The following ATG10 variants were observed in gnomAD, a reference collection of about 807,000 sequenced individuals.
The protein encoded by ATG10 is ubiquitin-like-conjugating enzyme ATG10.
ATG10 carries 30 observed loss-of-function variants against 32.1 expected under a neutral mutation model. The observed-to-expected ratio is 0.94, with a 90% CI of 0.70 to 1.27. The LOEUF (loss-of-function observed/expected upper bound fraction) is 1.27, where lower values mean the gene tolerates loss of function less well. Among genes scored for constraint, ATG10 ranks in the 50% most tolerant of loss-of-function variants. The probability of loss-of-function intolerance (pLI) is 0.00; values close to 1 mark genes in which losing one functional copy is unlikely to be tolerated. For synonymous variants in ATG10, 87 were observed against 91.5 expected (o/e 0.95, Z 0.28); for missense variants, 233 against 262.3 (o/e 0.89, Z 0.77).
At chr5:82,236,990 T>A (rs1746579497) in intron 5 of ATG10, among the ~76,000 whole-genome samples, 1 of 152,196 alleles carries the variant, frequency 6.6e-6, no homozygotes, top group Admixed American at 6.5e-5. Flanking sequence ...GTATTTCTTC[T>A]TTCCCCCCTT....
intron 3 of ATG10, among the ~76,000 whole-genome samples, chr5:82,145,526 C>T (rs951823273): frequency 3.3e-5 from 5 of 151,822 alleles, no homozygotes; most frequent in Admixed American, 1.3e-4. Flanking sequence ...AGTTATATTA[C>T]TTCATTAGTC....
At chr5:82,233,023 G>A (rs1746428049) in intron 5 of ATG10, among the ~76,000 whole-genome samples, 1 of 152,064 alleles carries the variant, frequency 6.6e-6, no homozygotes, top group Non-Finnish European at 1.5e-5. Flanking sequence ...TGCCTGAAAT[G>A]TTCTTCTTCA....
intron 2 of ATG10, among the ~76,000 whole-genome samples, chr5:82,009,133 T>C (rs891175403): frequency 2.6e-5 from 4 of 152,178 alleles, no homozygotes; most frequent in Middle Eastern, 3.2e-3. Flanking sequence ...CCAAATTGTT[T>C]AAAGGGTGTA....
At chr5:82,082,066 A>T (rs1480924639) in intron 3 of ATG10, among the ~76,000 whole-genome samples, 1 of 152,096 alleles carries the variant, frequency 6.6e-6, no homozygotes, top group Non-Finnish European at 1.5e-5. Context: ...TGCAGGAAAG[A>T]CCTGCCTCCA....
intron 2 of ATG10, among the ~76,000 whole-genome samples, chr5:81,990,741 G>C (rs994299959): frequency 1.3e-5 from 2 of 152,154 alleles, no homozygotes; most frequent in African/African-American, 4.8e-5. Context: ...AATGGGTCAG[G>C]CTTCCAGGGA....
intron 5 of ATG10, among the ~76,000 whole-genome samples, chr5:82,248,861 CT>C (rs1747135259): frequency 6.6e-6 from 1 of 151,426 alleles, no homozygotes; most frequent in Non-Finnish European, 1.5e-5. Flanking sequence ...TAAATTTAAA[CT>C]TTTAATTTTT....
chr5:82,138,531 C>G (rs1766867508), intron 3 of ATG10, among the ~76,000 whole-genome samples: 1 of 152,064 alleles, frequency 6.6e-6, no homozygotes, highest in African/African-American at 2.4e-5. Context: ...CTTACCCTGC[C>G]TTGCCCTGTG....
At chr5:82,064,538 A>G (rs1763881038) in intron 3 of ATG10, among the ~76,000 whole-genome samples, 1 of 152,062 alleles carries the variant, frequency 6.6e-6, no homozygotes, top group African/African-American at 2.4e-5. Context: ...TTTATCAATG[A>G]CTTTAACAGG....
chr5:82,082,973 C>T (rs11747552), intron 3 of ATG10, among the ~76,000 whole-genome samples: 9,575 of 152,212 alleles, frequency 0.063, 384 homozygotes, highest in Non-Finnish European at 0.091. Flanking sequence ...ACTGAGGTAC[C>T]GGGTTCATCT....
intron 5 of ATG10, among the ~76,000 whole-genome samples, chr5:82,227,299 G>A (rs1746169986): frequency 6.6e-6 from 1 of 151,998 alleles, no homozygotes; most frequent in African/African-American, 2.4e-5. Context: ...ACTGAAAAAG[G>A]AGAAATTTGA....
At chr5:82,120,972 T>C (rs1433949303) in intron 3 of ATG10, among the ~76,000 whole-genome samples, 1 of 152,214 alleles carries the variant, frequency 6.6e-6, no homozygotes, top group Non-Finnish European at 1.5e-5. Context: ...ACTTTGCTTA[T>C]AAATATTATC....
intron 2 of ATG10, among the ~76,000 whole-genome samples, chr5:81,994,330 G>A (rs1320881292): frequency 6.6e-6 from 1 of 152,070 alleles, no homozygotes; most frequent in Non-Finnish European, 1.5e-5. Flanking sequence ...GCTGTCTCCA[G>A]AGTCCTAAAA....
At chr5:82,010,791 T>C (rs997914864) in intron 2 of ATG10, among the ~76,000 whole-genome samples, 1 of 152,202 alleles carries the variant, frequency 6.6e-6, no homozygotes, top group Non-Finnish European at 1.5e-5. Flanking sequence ...TTCATTTTGG[T>C]CATATTGTAT....
At chr5:82,192,022 G>T (rs1325421960) in intron 5 of ATG10, among the ~76,000 whole-genome samples, 1 of 152,228 alleles carries the variant, frequency 6.6e-6, no homozygotes, top group Admixed American at 6.5e-5. Flanking sequence ...AGATGCATTT[G>T]TGCAGGATTT....
intron 5 of ATG10, among the ~76,000 whole-genome samples, chr5:82,251,429 C>T (rs1747248469): frequency 6.6e-6 from 1 of 152,172 alleles, no homozygotes; most frequent in Middle Eastern, 3.2e-3. Context: ...ATTATGCCAA[C>T]ACTTAAATGT....
At chr5:82,222,111 C>G (rs1402088123) in intron 5 of ATG10, among the ~76,000 whole-genome samples, 1 of 152,218 alleles carries the variant, frequency 6.6e-6, no homozygotes, top group African/African-American at 2.4e-5. Flanking sequence ...GAAAGAGCAG[C>G]AGCCTTCTTG....
chr5:82,109,361 T>C (rs975445317), intron 3 of ATG10, among the ~76,000 whole-genome samples: 2 of 152,032 alleles, frequency 1.3e-5, no homozygotes, highest in South Asian at 2.1e-4. Context: ...AGAGCTTTAG[T>C]TGGGCACTAA....
chr5:82,020,160 A>T (rs1691446377), intron 2 of ATG10, among the ~76,000 whole-genome samples: 1 of 152,228 alleles, frequency 6.6e-6, no homozygotes, highest in African/African-American at 2.4e-5. Flanking sequence ...AAACCAGTCG[A>T]TGTCCCTCCT....
At chr5:82,235,482 A>G (rs1254691493) in intron 5 of ATG10, among the ~76,000 whole-genome samples, 1 of 152,082 alleles carries the variant, frequency 6.6e-6, no homozygotes. Flanking sequence ...ATATCTTTGG[A>G]CTAGGTTTTT....
Sources: allele counts gnomAD v4.1 joint callset (sites outside exome capture counted in the v4.1 genomes callset), GRCh38; gene constraint gnomAD v4.1.1; transcripts MANE v1.5; gene names NCBI Gene and HGNC (gene_info 2026-07-23, HGNC 2026-07-21).